LGSN: variants seen among roughly 807,000 people sequenced by gnomAD.
LGSN encodes lengsin, lens protein with glutamine synthetase domain.
LGSN carries 21 observed loss-of-function variants against 19.5 expected under a neutral mutation model. The ratio of observed to expected loss-of-function variants is 1.07; its 90% CI spans 0.76 to 1.55. The LOEUF is 1.55. Ranked by LOEUF, LGSN falls within the 40% of genes most tolerant of loss-of-function variation. The pLI is 0.00. For missense variants in LGSN, 673 were observed against 608.5 expected (o/e 1.11, Z -1.12); for synonymous variants, 257 against 215.6 (o/e 1.19, Z -1.68).
At chr6:63,456,391 A>ATATATG in the LGSN span, among the ~76,000 whole-genome samples, 150 of 110,412 alleles carry the variant, frequency 1.4e-3, 2 homozygotes, top group Non-Finnish European at 1.9e-3. Context: ...ATATATATAT[A>ATATATG]TACTTTTTTT....
At chr6:63,321,659 G>A (rs553133328), upstream of LGSN, among the ~76,000 whole-genome samples, 1 of 151,986 alleles carries the variant, frequency 6.6e-6, no homozygotes, top group African/African-American at 2.4e-5. Context: ...CCTAATTTAT[G>A]GTATTAGCAT....
At chr6:63,506,000 G>C in the LGSN span, among the ~76,000 whole-genome samples, 1 of 152,140 alleles carries the variant, frequency 6.6e-6, no homozygotes, top group East Asian at 1.9e-4. Context: ...TCCTTAAAAA[G>C]AGATGTGCCA....
chr6:63,420,589 G>A, the LGSN span, among the ~76,000 whole-genome samples: 23 of 152,332 alleles, frequency 1.5e-4, no homozygotes, highest in Admixed American at 1.1e-3. Context: ...CTAGTTAGGA[G>A]CCAGAATTCA....
the LGSN span, among the ~76,000 whole-genome samples, chr6:63,412,747 GAAAGAAAGAAAGAAAGAAA>G: frequency 1.5e-5 from 1 of 67,966 alleles, no homozygotes; most frequent in Admixed American, 1.9e-4. Context: ...AAGAAAGAAA[GAAAGAAAGAAAGAAAGAAA>G]GAAAGGAAGG....
the LGSN span, among the ~76,000 whole-genome samples, chr6:63,352,497 C>T: frequency 6.6e-6 from 1 of 151,974 alleles, no homozygotes; most frequent in Non-Finnish European, 1.5e-5. Context: ...TCCATCTCTA[C>T]AAAAAATACG....
the LGSN span, chr6:63,572,049 G>C: frequency 6.6e-6 from 1 of 152,282 alleles, no homozygotes; most frequent in Non-Finnish European, 1.5e-5. Context: ...AAGCAGGCTC[G>C]ACACTGAGAC....
chr6:63,501,362 C>CAAA, the LGSN span, among the ~76,000 whole-genome samples: 5 of 133,928 alleles, frequency 3.7e-5, no homozygotes, highest in Admixed American at 1.5e-4. Context: ...AACTTCGTCT[C>CAAA]AAAAAAAAAA....
the LGSN span, among the ~76,000 whole-genome samples, chr6:63,426,791 A>G: frequency 6.6e-6 from 1 of 152,200 alleles, no homozygotes; most frequent in Non-Finnish European, 1.5e-5. Context: ...CTGGGATTAC[A>G]GGTGTGAGCC....
chr6:63,293,852 C>A, intron 2 of LGSN: 1 of 451,832 alleles, frequency 2.2e-6, no homozygotes, highest in Non-Finnish European at 4.4e-6. Flanking sequence ...GGTTTCTGAT[C>A]CTCTCTGTAG....
chr6:63,368,874 C>T, the LGSN span, among the ~76,000 whole-genome samples: 1 of 152,154 alleles, frequency 6.6e-6, no homozygotes, highest in Admixed American at 6.6e-5. Flanking sequence ...ATCAGTATTC[C>T]TCTATTTCTG....
the LGSN span, among the ~76,000 whole-genome samples, chr6:63,522,988 C>A: frequency 6.6e-6 from 1 of 151,786 alleles, no homozygotes; most frequent in Non-Finnish European, 1.5e-5. Context: ...CCACAGCCTC[C>A]GGAGTAGCTG....
At chr6:63,299,699 C>T (rs2127390199) in intron 1 of LGSN, among the ~76,000 whole-genome samples, 1 of 152,214 alleles carries the variant, frequency 6.6e-6, no homozygotes, top group African/African-American at 2.4e-5. Context: ...GTCTATATGT[C>T]TGTAAGTGTT....
At chr6:63,406,770 T>G in the LGSN span, among the ~76,000 whole-genome samples, 1 of 151,726 alleles carries the variant, frequency 6.6e-6, no homozygotes, top group Non-Finnish European at 1.5e-5. Flanking sequence ...ACAAAATTGA[T>G]AGACTGCTAG....
At chr6:63,320,673 G>C (rs1769050371), upstream of LGSN, among the ~76,000 whole-genome samples, 1 of 152,200 alleles carries the variant, frequency 6.6e-6, no homozygotes, top group Admixed American at 6.5e-5. Context: ...AAGGGGGTTT[G>C]AAATCACACT....
At chr6:63,478,960 G>A in the LGSN span, among the ~76,000 whole-genome samples, 6 of 152,134 alleles carry the variant, frequency 3.9e-5, no homozygotes, top group Non-Finnish European at 5.9e-5. Context: ...TTACAGAGAC[G>A]TATAAAAGGA....
At chr6:63,499,914 C>G in the LGSN span, among the ~76,000 whole-genome samples, 2 of 151,194 alleles carry the variant, frequency 1.3e-5, no homozygotes, top group African/African-American at 4.9e-5. Flanking sequence ...AACCATATGT[C>G]AAATTCCCCA....
chr6:63,521,562 T>C, the LGSN span, among the ~76,000 whole-genome samples: 1 of 152,220 alleles, frequency 6.6e-6, no homozygotes, highest in Non-Finnish European at 1.5e-5. Flanking sequence ...TATACTACCA[T>C]TAACCACCAA....
chr6:63,370,543 G>T, the LGSN span, among the ~76,000 whole-genome samples: 1 of 152,252 alleles, frequency 6.6e-6, no homozygotes, highest in East Asian at 1.9e-4. Flanking sequence ...GTGAACTCCT[G>T]TGGGACATGG....
At chr6:63,419,537 T>A in the LGSN span, among the ~76,000 whole-genome samples, 1 of 152,082 alleles carries the variant, frequency 6.6e-6, no homozygotes, top group Non-Finnish European at 1.5e-5. Context: ...TCCTCCATTT[T>A]GAGGCCTCCT....
Sources: allele counts gnomAD v4.1 joint callset (sites outside exome capture counted in the v4.1 genomes callset), GRCh38; gene constraint gnomAD v4.1.1; transcripts MANE v1.5; gene names NCBI Gene and HGNC (gene_info 2026-07-23, HGNC 2026-07-21).